ZNF385A: variants seen among roughly 807,000 people sequenced by gnomAD.
The protein encoded by ZNF385A is zinc finger protein 385A.
A neutral mutation model predicts 32.1 loss-of-function variants in ZNF385A; 14 were observed. That is an observed-to-expected ratio of 0.44 (90% CI 0.29 to 0.68). The LOEUF (loss-of-function observed/expected upper bound fraction) is 0.68, where lower values mean the gene tolerates loss of function less well. Among genes scored for constraint, ZNF385A ranks in the 30% least tolerant of loss-of-function variants. ZNF385A has a pLI of 0.14. For missense variants in ZNF385A, 406 were observed against 478.4 expected, an observed-to-expected ratio of 0.85 and a Z score of 1.41; for synonymous variants, 197 against 202.7, an observed-to-expected ratio of 0.97 and a Z score of 0.24.
chr12:54,390,438 A>G (rs1955603991), intron 1 of ZNF385A, among the ~76,000 whole-genome samples: 1 of 151,510 alleles, frequency 6.6e-6, no homozygotes, highest in Admixed American at 6.6e-5. Flanking sequence ...CCCCATACTT[A>G]CCCTCTCCAT....
chr12:54,379,807 G>C (rs894297048), intron 1 of ZNF385A, among the ~76,000 whole-genome samples: 1 of 152,166 alleles, frequency 6.6e-6, no homozygotes, highest in Non-Finnish European at 1.5e-5. Flanking sequence ...GGAGAACCAG[G>C]CTCCCTGAAA....
chr12:54,371,768 C>G, intron 3 of ZNF385A, 53 bp from the exon 4 acceptor site: 1 of 1,598,952 alleles, frequency 6.3e-7, no homozygotes. Flanking sequence ...TTGGAGAAGA[C>G]TCTTCATGTG....
chr12:54,379,609 TACC>T (rs1955038669), intron 1 of ZNF385A, among the ~76,000 whole-genome samples: 1 of 152,090 alleles, frequency 6.6e-6, no homozygotes, highest in Non-Finnish European at 1.5e-5. Context: ...CCTATGCTGC[TACC>T]TTTTTACAAG....
intron 1 of ZNF385A, among the ~76,000 whole-genome samples, chr12:54,382,968 C>T (rs886762005): frequency 2.0e-5 from 3 of 152,032 alleles, no homozygotes; most frequent in Non-Finnish European, 2.9e-5. Context: ...TCCAGACCAG[C>T]CTGGCCAAGA....
chr12:54,373,859 G>A (rs865821249), intron 3 of ZNF385A, 114 bp downstream of exon 3: 4 of 1,160,570 alleles, frequency 3.4e-6, no homozygotes, highest in Middle Eastern at 4.5e-4. Context: ...GGGTGGGGGT[G>A]GGGGTATAGG....
intron 1 of ZNF385A, chr12:54,391,210 G>T (rs1460547196): frequency 6.8e-7 from 1 of 1,475,176 alleles, no homozygotes; most frequent in South Asian, 1.3e-5. Flanking sequence ...GGAGCCGGGA[G>T]CCTGGAGTCG....
Position 54,370,403 on chromosome 12 carries a change from C to T in ZNF385A, c.954G>A (p.Met318Ile). The change falls in exon 7 of 7, where the codon ATG (methionine) becomes ATA (isoleucine). Residue 318 changes from methionine to isoleucine, a missense_variant. Coordinates refer to ENST00000394313, the MANE Select transcript of ZNF385A (RefSeq NM_015481.3). The surrounding 1 kb of genome is among the most constrained non-coding windows in gnomAD (Gnocchi z 5.5). ...ACAGCGGCGAGCCTGCTGCCGCTGC[C>T]ATCACTGCAGCCACCGCCAGGGGGC... ...LPSPLAVAAVMAAAAGSPLSL... is the reference protein window; with the variant it reads ...LPSPLAVAAVIAAAAGSPLSL... The T allele has an allele frequency of 2.0e-6, 3 of 1,537,248 alleles. No individual in the cohort carries two copies. Among genetic ancestry groups the T allele is most frequent in the Non-Finnish European group, 2.6e-6 (3 of 1,139,650 alleles).
At chr12:54,376,393 C>T (rs1273682481) in intron 1 of ZNF385A, among the ~76,000 whole-genome samples, 1 of 152,108 alleles carries the variant, frequency 6.6e-6, no homozygotes, top group Non-Finnish European at 1.5e-5. Context: ...GCCCTTTGGG[C>T]CTCCACTCTG....
At chr12:54,374,328 G>A (rs1954724751) in intron 2 of ZNF385A, among the ~76,000 whole-genome samples, 193 bp from the exon 3 acceptor site, 2 of 152,126 alleles carry the variant, frequency 1.3e-5, no homozygotes, top group African/African-American at 2.4e-5. Flanking sequence ...TCAAGCTTGA[G>A]TCCCTGGGAA....
chr12:54,370,099 G>T lies in ZNF385A; in HGVS notation c.*157C>A, dbSNP rs978331420. On this transcript the variant is annotated 3_prime_UTR_variant, in exon 7 of 7. Transcript: ENST00000394313. The surrounding 1 kb of genome is among the most constrained non-coding windows in gnomAD (Gnocchi z 5.5). ...CCCCCTTCTGAAGCCCCCCTCCCCCGCTACCCCTCCCCTTTCCTGGAACCC... is the reference window on the plus strand; with the variant it reads ...CCCCCTTCTGAAGCCCCCCTCCCCCTCTACCCCTCCCCTTTCCTGGAACCC... 1 of 571,914 alleles carries T rather than the reference G, an allele frequency of 1.7e-6. No individual in the cohort carries two copies. Among genetic ancestry groups the T allele is most frequent in the Non-Finnish European group, 2.8e-6 (1 of 357,474 alleles). The allele number at this position is 571,914 out of a possible 1,614,324, so 35.4% of individuals were successfully genotyped here.
Position 54,371,604 on chromosome 12 carries a change from C to A in ZNF385A, c.473G>T (p.Gly158Val). ...CAAGGAAGCCGGGGCTGGAGTCCCCCCTTCACCCTTGGTTACACCCTGACC... is the reference window on the plus strand; with the variant it reads ...CAAGGAAGCCGGGGCTGGAGTCCCCACTTCACCCTTGGTTACACCCTGACC... The part of the protein sequence containing the change: ...ETGQGVTKGE[G>V]GTPAPASLPG... The change falls in exon 4 of 7, where the codon GGG (glycine) becomes GTG (valine). Residue 158 changes from glycine (G) to valine (V), a missense_variant. By Grantham distance (109) the Gly-to-Val change is moderately radical. Transcript: ENST00000394313. The A allele has an allele frequency of 6.2e-7, 1 of 1,613,390 alleles. No individual in the cohort carries two copies. Among genetic ancestry groups the A allele is most frequent in the Non-Finnish European group, 8.5e-7 (1 of 1,179,718 alleles).
upstream of ZNF385A, among the ~76,000 whole-genome samples, chr12:54,386,190 A>ACT (rs1955472069): frequency 6.8e-6 from 1 of 148,078 alleles, no homozygotes; most frequent in Non-Finnish European, 1.5e-5. Context: ...ACACACACAC[A>ACT]CACACACACA....
chr12:54,384,472 G>C lies in ZNF385A; in HGVS notation c.43C>G (p.Leu15Val). 6.3e-7 allele frequency: 1 copy of C among 1,589,550 alleles called. No individual in the cohort carries two copies. The highest frequency in any genetic ancestry group is 1.3e-5 in the African/African-American group (1 of 74,174). The change falls in exon 1 of 7, where the codon CTC (leucine) becomes GTC (valine). Residue 15 changes from leucine (L) to valine (V), a missense_variant. Physicochemically the swap from Leu to Val is conservative, Grantham distance 32. Coordinates refer to ENST00000394313, the MANE Select transcript of ZNF385A (RefSeq NM_015481.3). ...LDLKQILPFP[L>V]EPAPTLGLFS... ...AGGCCAAGGGTAGGGGCTGGCTCGAGTGGGAAGGGCAGGATCTGCTTGAGG... is the reference window on the plus strand; with the variant it reads ...AGGCCAAGGGTAGGGGCTGGCTCGACTGGGAAGGGCAGGATCTGCTTGAGG...
At chr12:54,384,904 A>G (rs1476556050), upstream of ZNF385A, 1 of 1,056,872 alleles carries the variant, frequency 9.5e-7, no homozygotes, top group Admixed American at 5.4e-5. Context: ...CCCAGCCTCA[A>G]GCCCCTGGCC....
chr12:54,382,302 C>T (rs1453952277), intron 1 of ZNF385A, among the ~76,000 whole-genome samples: 1 of 151,746 alleles, frequency 6.6e-6, no homozygotes, highest in African/African-American at 2.4e-5. Flanking sequence ...TCTCAATCTC[C>T]TGACCTTGTG....
At chr12:54,375,345 G>A (rs1218919447) in intron 2 of ZNF385A, among the ~76,000 whole-genome samples, 3 of 152,172 alleles carry the variant, frequency 2.0e-5, no homozygotes, top group Non-Finnish European at 4.4e-5. Flanking sequence ...GGCCTTGTGT[G>A]TGATTTGGAG....
chr12:54,370,182 G>T lies in ZNF385A; in HGVS notation c.*74C>A. On this transcript the variant is annotated 3_prime_UTR_variant, in exon 7 of 7. Coordinates refer to ENST00000394313, the MANE Select transcript of ZNF385A (RefSeq NM_015481.3). This position sits in a 1 kb window ranked among gnomAD's most constrained non-coding sequence, Gnocchi z 5.5. ...TCATTTAGGGAGTGCCGGGAGGAGG[G>T]GCGGGCTGGGAGCCCGGACGCCTGG... The T allele has an allele frequency of 8.5e-7, 1 of 1,180,850 alleles. No individual in the cohort carries two copies. The highest frequency in any genetic ancestry group is 1.1e-6 in the Non-Finnish European group (1 of 873,604). The allele number at this position is 1,180,850 out of a possible 1,614,324, so 73.1% of individuals were successfully genotyped here.
chr12:54,385,744 G>C, upstream of ZNF385A: 2 of 875,044 alleles, frequency 2.3e-6, no homozygotes, highest in Non-Finnish European at 2.7e-6. Context: ...GGGCCTGACA[G>C]CGTCCCCTTC....
chr12:54,382,560 A>G (rs1955249603), intron 1 of ZNF385A, among the ~76,000 whole-genome samples: 1 of 152,096 alleles, frequency 6.6e-6, no homozygotes, highest in Non-Finnish European at 1.5e-5. Context: ...TTGCTTTCTT[A>G]TTTGTTAAAT....
Sources: allele counts gnomAD v4.1 joint callset (sites outside exome capture counted in the v4.1 genomes callset), GRCh38; gene constraint gnomAD v4.1.1; non-coding constraint Gnocchi (gnomAD v3.1); transcripts MANE v1.5; gene names NCBI Gene and HGNC (gene_info 2026-07-23, HGNC 2026-07-21).